Variants in TNIK observed in about 807,000 individuals in gnomAD.
The protein encoded by TNIK is TRAF2 and NCK-interacting protein kinase.
Under a neutral mutation model 191.3 loss-of-function variants are expected in TNIK, and 49 were observed. The ratio of observed to expected loss-of-function variants is 0.26; its 90% CI spans 0.20 to 0.32. The LOEUF (loss-of-function observed/expected upper bound fraction) is 0.32, where lower values mean the gene tolerates loss of function less well. Ranked by LOEUF, TNIK falls within the 10% of genes least tolerant of loss-of-function variation. The pLI, the probability that TNIK is intolerant of heterozygous loss-of-function variation, is 1.00. For missense variants in TNIK, 1,155 were observed against 1,702.3 expected (o/e 0.68, Z 5.66); for synonymous variants, 594 against 600.9 (o/e 0.99, Z 0.17).
intron 27 of TNIK, 93 bp from the exon 28 acceptor site, chr3:171,079,745 A>ATG (rs1720429792): frequency 3.0e-6 from 4 of 1,349,884 alleles, no homozygotes; most frequent in Non-Finnish European, 9.9e-7. Flanking sequence ...TATTTTATTT[A>ATG]CGTGTGTGTG....
chr3:171,063,995 C>A (rs1718107743), intron 32 of TNIK, 31 bp from the exon 33 acceptor site: 7 of 1,598,908 alleles, frequency 4.4e-6, no homozygotes, highest in Non-Finnish European at 5.1e-6. Context: ...GTTAGTTCAA[C>A]TGCATGGTCT....
intron 23 of TNIK, among the ~76,000 whole-genome samples, chr3:171,092,555 G>A (rs1341324749): frequency 6.6e-6 from 1 of 152,200 alleles, no homozygotes; most frequent in Non-Finnish European, 1.5e-5. Flanking sequence ...CACATGAAGA[G>A]ATTTATATGC....
intron 2 of TNIK, chr3:171,347,037 G>C (rs1712320785): frequency 1.7e-6 from 2 of 1,148,836 alleles, no homozygotes; most frequent in Admixed American, 2.8e-5. Flanking sequence ...TCATATGAGA[G>C]ATGTGCAATG....
chr3:171,190,094 A>T (rs1344487699), intron 6 of TNIK, among the ~76,000 whole-genome samples: 1 of 152,208 alleles, frequency 6.6e-6, no homozygotes, highest in Non-Finnish European at 1.5e-5. Context: ...AAGCAGTCAA[A>T]TGCATGTGGT....
intron 2 of TNIK, among the ~76,000 whole-genome samples, chr3:171,329,467 G>C (rs187535627): frequency 1.4e-4 from 21 of 152,096 alleles, no homozygotes; most frequent in Non-Finnish European, 2.8e-4. Flanking sequence ...GTGTGTCCTT[G>C]GGTCATTTAC....
At chr3:171,215,686 G>T (rs976253454) in intron 3 of TNIK, among the ~76,000 whole-genome samples, 2 of 152,134 alleles carry the variant, frequency 1.3e-5, no homozygotes. Flanking sequence ...GAGCTTGTTA[G>T]CATACAATAA....
At chr3:171,322,191 G>T (rs761887814) in intron 2 of TNIK, among the ~76,000 whole-genome samples, 25 of 152,054 alleles carry the variant, frequency 1.6e-4, no homozygotes, top group Non-Finnish European at 3.2e-4. Flanking sequence ...TTCACTAAGG[G>T]TCAATATGAA....
intron 1 of TNIK, among the ~76,000 whole-genome samples, chr3:171,397,642 CA>C (rs1354622780): frequency 1.3e-5 from 2 of 151,998 alleles, no homozygotes; most frequent in East Asian, 1.9e-4. Flanking sequence ...GACAACTTAC[CA>C]AAAAAATTTA....
At chr3:171,211,348 A>G (rs1740793243) in intron 3 of TNIK, 107 bp from the exon 4 acceptor site, 3 of 1,271,772 alleles carry the variant, frequency 2.4e-6, no homozygotes, top group East Asian at 2.4e-5. Flanking sequence ...TTCCTTGTTG[A>G]CAAATGAGCA....
intron 2 of TNIK, among the ~76,000 whole-genome samples, chr3:171,233,690 G>A (rs1404302693): frequency 2.0e-5 from 3 of 152,220 alleles, no homozygotes; most frequent in East Asian, 1.9e-4. Context: ...CAAATGAAGA[G>A]GACTTGGGAA....
intron 2 of TNIK, among the ~76,000 whole-genome samples, chr3:171,319,575 T>C (rs759743925): frequency 5.3e-5 from 8 of 152,134 alleles, no homozygotes; most frequent in Non-Finnish European, 8.8e-5. Context: ...GGAGGTTAGT[T>C]GACCGGGTAA....
intron 4 of TNIK, among the ~76,000 whole-genome samples, chr3:171,196,069 G>A (rs1476298162): frequency 6.6e-6 from 1 of 152,042 alleles, no homozygotes; most frequent in Non-Finnish European, 1.5e-5. Context: ...GAATATGACT[G>A]GCACTGTTAG....
chr3:171,119,267 C>T (rs1576876305), intron 18 of TNIK, among the ~76,000 whole-genome samples: 1 of 152,232 alleles, frequency 6.6e-6, no homozygotes, highest in Non-Finnish European at 1.5e-5. Flanking sequence ...CAGTGAATGG[C>T]GATCATTAAA....
chr3:171,456,924 G>C (rs144653225), intron 1 of TNIK, among the ~76,000 whole-genome samples: 1 of 152,138 alleles, frequency 6.6e-6, no homozygotes. Flanking sequence ...CACGCTCCTC[G>C]CTGTCCCCTC....
chr3:171,070,647 C>G (rs146806947), intron 29 of TNIK, among the ~76,000 whole-genome samples: 1 of 152,120 alleles, frequency 6.6e-6, no homozygotes, highest in Non-Finnish European at 1.5e-5. Flanking sequence ...CCTGGCAAAT[C>G]TCATGAGTGA....
chr3:171,147,476 A>G (rs60076659), intron 12 of TNIK, among the ~76,000 whole-genome samples: 4,194 of 152,308 alleles, frequency 0.028, 170 homozygotes, highest in African/African-American at 0.089. Context: ...AGATCATTGC[A>G]AACCAATGAC....
At chr3:171,112,022 C>T (rs990167904) in intron 18 of TNIK, among the ~76,000 whole-genome samples, 23 of 151,950 alleles carry the variant, frequency 1.5e-4, no homozygotes, top group South Asian at 6.2e-4. Context: ...CAGATCATAA[C>T]GAGGTATACT....
intron 11 of TNIK, among the ~76,000 whole-genome samples, chr3:171,158,437 C>T (rs1031373142): frequency 3.3e-5 from 5 of 152,220 alleles, no homozygotes; most frequent in Admixed American, 1.3e-4. Flanking sequence ...CTACCTACTT[C>T]GCTGGTGGTC....
chr3:171,350,571 A>G (rs981600938), intron 2 of TNIK, among the ~76,000 whole-genome samples: 3 of 147,944 alleles, frequency 2.0e-5, no homozygotes, highest in Non-Finnish European at 4.5e-5. Flanking sequence ...AGATTTCCAT[A>G]TAACAAGTTT....
Sources: gnomAD v4.1 joint callset for allele counts (sites outside exome capture counted in the v4.1 genomes callset) on GRCh38, gnomAD v4.1.1 for gene constraint, MANE v1.5 for transcripts, NCBI Gene and HGNC (gene_info 2026-07-23, HGNC 2026-07-21) for gene names.